The following TEX11 variants were observed in gnomAD, a reference collection of about 807,000 sequenced individuals.
TEX11 encodes testis-expressed protein 11.
A neutral mutation model predicts 84.4 loss-of-function variants in TEX11; 7 were observed. The observed-to-expected ratio is 0.08, with a 90% CI of 0.05 to 0.16. TEX11 has a LOEUF of 0.16. Ranked by LOEUF, TEX11 falls within the 10% of genes least tolerant of loss-of-function variation. The probability of loss-of-function intolerance (pLI) is 1.00; values close to 1 mark genes in which losing one functional copy is unlikely to be tolerated. For synonymous variants in TEX11, 264 were observed against 222.8 expected, an observed-to-expected ratio of 1.18 and a Z score of -1.64; for missense variants, 551 against 660.5, an observed-to-expected ratio of 0.83 and a Z score of 1.82.
chrX:70,706,915 C>T (rs2090382540), intron 13 of TEX11, among the ~76,000 whole-genome samples: 1 of 110,974 alleles, frequency 9.0e-6, no homozygotes, highest in Admixed American at 9.6e-5. Flanking sequence ...TCAGTGGGTC[C>T]CCATTTGCCT....
At chrX:70,727,690 A>T (rs1324895714) in intron 11 of TEX11, among the ~76,000 whole-genome samples, 1 of 111,323 alleles carries the variant, frequency 9.0e-6, no homozygotes, top group Non-Finnish European at 1.9e-5. Flanking sequence ...TTTGGTCATG[A>T]GGGCTGAGCC....
intron 17 of TEX11, among the ~76,000 whole-genome samples, chrX:70,636,159 G>A (rs1199220744): frequency 9.2e-6 from 1 of 109,157 alleles, no homozygotes; most frequent in African/African-American, 3.3e-5. Context: ...CCCCCAGGCT[G>A]GCCCCCACAG....
chrX:70,570,276 T>C (rs2088573453), intron 25 of TEX11, among the ~76,000 whole-genome samples: 1 of 112,043 alleles, frequency 8.9e-6, no homozygotes. Flanking sequence ...AGTATTGGGG[T>C]GGGAGTGACC....
intron 28 of TEX11, among the ~76,000 whole-genome samples, chrX:70,538,607 T>C (rs1156344616): frequency 2.7e-5 from 3 of 110,496 alleles, no homozygotes; most frequent in African/African-American, 9.9e-5. Context: ...CTGGGCAACA[T>C]AGTAAGACCT....
chrX:70,875,043 G>A (rs1458339761), intron 3 of TEX11, among the ~76,000 whole-genome samples: 2 of 109,652 alleles, frequency 1.8e-5, no homozygotes, highest in Non-Finnish European at 3.8e-5. Context: ...GTGCGTGGTG[G>A]CAGGTGCCTG....
intron 9 of TEX11, among the ~76,000 whole-genome samples, chrX:70,801,968 A>G (rs899091834): frequency 9.0e-6 from 1 of 111,658 alleles, no homozygotes; most frequent in Non-Finnish European, 1.9e-5. Flanking sequence ...GGCAATGATC[A>G]CTGATGGCTG....
chrX:70,788,685 AACACACACAC>A (rs753573687), intron 9 of TEX11, among the ~76,000 whole-genome samples: 25 of 69,452 alleles, frequency 3.6e-4, no homozygotes, highest in Admixed American at 1.1e-3. Flanking sequence ...TCTCTTGGGA[AACACACACAC>A]ACACACACAC....
At chrX:70,565,090 T>C (rs765423183) in intron 25 of TEX11, among the ~76,000 whole-genome samples, 12,416 of 105,245 alleles carry the variant, frequency 0.12, 678 homozygotes, top group Middle Eastern at 0.19. Context: ...TTTTAATGAT[T>C]GCCATTCTAA....
At chrX:70,887,146 G>T (rs1400651596) in intron 2 of TEX11, among the ~76,000 whole-genome samples, 1 of 111,843 alleles carries the variant, frequency 8.9e-6, no homozygotes, top group East Asian at 2.8e-4. Context: ...CTTCAAGGCA[G>T]TGCATTCACA....
intron 8 of TEX11, among the ~76,000 whole-genome samples, chrX:70,824,220 G>T (rs903744864): frequency 9.0e-6 from 1 of 111,429 alleles, no homozygotes; most frequent in African/African-American, 3.3e-5. Context: ...CAAACTGGTG[G>T]TAAGTTTACC....
chrX:70,657,378 T>C lies in TEX11; in HGVS notation c.1381-5826A>G, dbSNP rs781577843. 1.7e-4 allele frequency among the ~76,000 whole-genome samples: 19 copies of C among 108,971 alleles called. No individual in the cohort carries two copies. In the East Asian group the frequency reaches 4.0e-3, roughly 23 times the overall value. The allele number at this position is 108,971 out of a possible 115,157, so 94.6% of individuals were successfully genotyped here. A position where few individuals can be genotyped will look rare whatever the true frequency, so the allele number is the denominator to read the frequency against. On this transcript the variant is annotated intron_variant, in intron 16 of 29. Transcript: ENST00000374333. Reference sequence around the variant, plus strand: ...TTCTAAATGTCTACCTTTTTATAAGTTAAGGAAAACTAATTTCACATCAAA... The same window carrying C: ...TTCTAAATGTCTACCTTTTTATAAGCTAAGGAAAACTAATTTCACATCAAA...
At chrX:70,562,418 A>G (rs1399502596) in intron 25 of TEX11, among the ~76,000 whole-genome samples, 1 of 112,246 alleles carries the variant, frequency 8.9e-6, no homozygotes, top group Non-Finnish European at 1.9e-5. Flanking sequence ...CTGACTAAAT[A>G]TGTAAAGTAT....
At chrX:70,753,768 G>T (rs980038977) in intron 9 of TEX11, among the ~76,000 whole-genome samples, 4 of 108,522 alleles carry the variant, frequency 3.7e-5, no homozygotes, top group African/African-American at 1.3e-4. Context: ...ACCACAGCAG[G>T]ATAGGACAAG....
intron 9 of TEX11, among the ~76,000 whole-genome samples, chrX:70,766,868 G>A (rs2147774247): frequency 8.9e-6 from 1 of 111,824 alleles, no homozygotes; most frequent in East Asian, 2.8e-4. Context: ...CACATACACT[G>A]GAGAAAAGAA....
chrX:70,843,697 G>A (rs951151781), intron 7 of TEX11, among the ~76,000 whole-genome samples: 3 of 111,495 alleles, frequency 2.7e-5, no homozygotes, highest in African/African-American at 9.8e-5. Context: ...GAAAATTTTT[G>A]CAATCTACTC....
chrX:70,704,532 A>G (rs778932043), intron 13 of TEX11, among the ~76,000 whole-genome samples: 2 of 111,068 alleles, frequency 1.8e-5, no homozygotes, highest in South Asian at 7.6e-4. Flanking sequence ...CTTTTTCTCA[A>G]TCTTCATTCT....
intron 8 of TEX11, among the ~76,000 whole-genome samples, chrX:70,827,500 G>A (rs1473387291): frequency 1.8e-5 from 2 of 111,496 alleles, no homozygotes; most frequent in Non-Finnish European, 3.8e-5. Context: ...CCACAGGAGA[G>A]CCCACTGCCC....
intron 9 of TEX11, among the ~76,000 whole-genome samples, chrX:70,756,268 C>T (rs2090867201): frequency 8.9e-6 from 1 of 112,247 alleles, no homozygotes; most frequent in Admixed American, 9.4e-5. Context: ...CAGTGGTTCT[C>T]CCAGCATGGT....
chrX:70,604,679 T>C (rs758108827), intron 24 of TEX11, among the ~76,000 whole-genome samples: 1 of 110,777 alleles, frequency 9.0e-6, no homozygotes, highest in Non-Finnish European at 1.9e-5. Flanking sequence ...AGGTGACAAG[T>C]ATGGGAGATT....
Sources: gnomAD v4.1 joint callset for allele counts (sites outside exome capture counted in the v4.1 genomes callset) on GRCh38, gnomAD v4.1.1 for gene constraint, MANE v1.5 for transcripts, NCBI Gene and HGNC (gene_info 2026-07-23, HGNC 2026-07-21) for gene names.